Variants in FOXD1 observed in about 807,000 individuals in gnomAD.
The protein encoded by FOXD1 is forkhead box protein D1.
Under a neutral mutation model 2.0 loss-of-function variants are expected in FOXD1, and 4 were observed. That is an observed-to-expected ratio of 2.03 (90% confidence interval 1.00 to 4.64). FOXD1 has a LOEUF of 4.64. Ranked by LOEUF, FOXD1 falls within the 30% of genes most tolerant of loss-of-function variation. FOXD1 has a pLI of 0.01. For missense variants in FOXD1, 586 were observed against 647.6 expected (o/e 0.90, Z 1.03); for synonymous variants, 354 against 328.5 (o/e 1.08, Z -0.84).
Position 73,447,207 on chromosome 5 carries a change from C to T in FOXD1, c.1156G>A (p.Ala386Thr), listed in dbSNP as rs1580341689. 3 of 903,674 alleles carry T rather than the reference C, an allele frequency of 3.3e-6. No individual in the cohort carries two copies. Among genetic ancestry groups the T allele is most frequent in the Non-Finnish European group, 4.0e-6 (3 of 755,976 alleles). The allele number at this position is 903,674 out of a possible 1,614,324, so 56.0% of individuals were successfully genotyped here. A position where few individuals can be genotyped will look rare whatever the true frequency, so the allele number is the denominator to read the frequency against. The change falls in exon 1 of 1, where the codon GCC (alanine) becomes ACC (threonine). Residue 386 changes from alanine (A) to threonine (T), a missense_variant. Transcript: ENST00000615637. This position sits in a 1 kb window ranked among gnomAD's most constrained non-coding sequence, Gnocchi z 7.8. ...GGCGAGGGCGAGGCCTGAGCGGCGG[C>T]GGCGGCCTGCGCGGCGGCGGCGGCA... is the stretch of plus-strand genomic sequence containing the variant. ...AAAAAAAQAA[A>T]AAQASPSPSP...
Position 73,447,475 on chromosome 5 carries a change from C to T in FOXD1, c.888G>A (p.Ala296=). The part of the protein sequence containing the change: ...APPSALFAAA[A]AAAAAAAFHP... The stretch of plus-strand genomic sequence containing the variant: ...GGAAGGCGGCGGCGGCGGCGGCGGC[C>T]GCTGCGGCGGCGAAGAGGGCCGAGG... Residue 296 remains alanine, a synonymous_variant, in exon 1 of 1, where the codon GCG becomes GCA. Transcript: ENST00000615637. This position sits in a 1 kb window ranked among gnomAD's most constrained non-coding sequence, Gnocchi z 7.8. 3 of 995,230 alleles carry T rather than the reference C, an allele frequency of 3.0e-6. No homozygotes were observed. The highest frequency in any genetic ancestry group is 1.8e-5 in the African/African-American group (1 of 56,458). 61.6% of individuals were successfully genotyped at this position (995,230 alleles called of 1,614,324 possible).
Position 73,448,342 on chromosome 5 carries a change from C to G in FOXD1, c.21G>C (p.Met7Ile). The change falls in exon 1 of 1, where the codon ATG (methionine) becomes ATC (isoleucine). Residue 7 changes from methionine (M) to isoleucine (I), a missense_variant. By Grantham distance (10) the Met-to-Ile change is conservative. This residue lies in a region of FOXD1 where 183 missense variants were observed against 159.2 expected (regional missense o/e 1.15). Transcript: ENST00000615637. The stretch of plus-strand genomic sequence containing the variant: ...CCTCGGCGAGGCCAGAGGCATCGGA[C>G]ATCTCAGTGCTCAGGGTCATAGCTG... MTLSTE[M>I]SDASGLAEET... is the part of the protein sequence containing the mutation. The G allele has an allele frequency of 7.0e-7, 1 of 1,428,582 alleles. No individual in the cohort carries two copies. Among genetic ancestry groups the G allele is most frequent in the Non-Finnish European group, 9.3e-7 (1 of 1,078,238 alleles). The allele number at this position is 1,428,582 out of a possible 1,614,324, so 88.5% of individuals were successfully genotyped here.
Position 73,448,374 on chromosome 5 carries a change from G to T in FOXD1, c.-12C>A. 1 of 1,218,096 alleles carries T rather than the reference G, an allele frequency of 8.2e-7. No homozygotes were observed. Among genetic ancestry groups the T allele is most frequent in the Non-Finnish European group, 1.0e-6 (1 of 961,772 alleles). 75.5% of individuals were successfully genotyped at this position (1,218,096 alleles called of 1,614,324 possible). ...GTGCTCAGGGTCATAGCTGTGGCGC[G>T]GCGGCGGCGGGGCGGCGCATGGGGG... On this transcript the variant is annotated 5_prime_UTR_variant, in exon 1 of 1. Transcript: ENST00000615637.
Position 73,447,146 on chromosome 5 carries a change from C to T in FOXD1, c.1217G>A (p.Ser406Asn). The T allele has an allele frequency of 4.3e-6, 5 of 1,161,186 alleles. No individual in the cohort carries two copies. Among genetic ancestry groups the T allele is most frequent in the Non-Finnish European group, 5.3e-6 (5 of 941,258 alleles). 71.9% of individuals were successfully genotyped at this position (1,161,186 alleles called of 1,614,324 possible). The change falls in exon 1 of 1, where the codon AGC becomes AAC. Residue 406 changes from serine to asparagine, a missense_variant. Coordinates refer to ENST00000615637, the MANE Select transcript of FOXD1 (RefSeq NM_004472.3). This position sits in a 1 kb window ranked among gnomAD's most constrained non-coding sequence, Gnocchi z 7.8. ...CGCCTGCGCCGCGCAGCCTCCTCCG[C>T]TGGATCCGGGAGCTGGCGGCGCCGC... ...PVAAPPAPGS[S>N]GGGCAAQAAV...
chr5:73,446,768 T>G lies in FOXD1; in HGVS notation c.*197A>C. Reference sequence around the variant, plus strand: ...GGCTGTAGCATAGGTCGGCTTTGCATAAATAGAGGGACCCGCAGAGCCAAA... The same window carrying G: ...GGCTGTAGCATAGGTCGGCTTTGCAGAAATAGAGGGACCCGCAGAGCCAAA... On this transcript the variant is annotated 3_prime_UTR_variant, in exon 1 of 1. Coordinates refer to ENST00000615637, the MANE Select transcript of FOXD1 (RefSeq NM_004472.3). 1.3e-5 allele frequency: 7 copies of G among 540,966 alleles called. No individual in the cohort carries two copies. Among genetic ancestry groups the G allele is most frequent in the East Asian group, 3.7e-5 (1 of 26,678 alleles). 33.5% of individuals were successfully genotyped at this position (540,966 alleles called of 1,614,324 possible).
chr5:73,446,839 G>T lies in FOXD1; in HGVS notation c.*126C>A. ...CAGTTTTGTCCGAGAATTCGCAGCG[G>T]CGAAAATGGGCGCGCGAGGTCGAGA... is the stretch of plus-strand genomic sequence containing the variant. On this transcript the variant is annotated 3_prime_UTR_variant, in exon 1 of 1. Coordinates refer to ENST00000615637, the MANE Select transcript of FOXD1 (RefSeq NM_004472.3). The T allele has an allele frequency of 2.5e-6, 2 of 816,292 alleles. No individual in the cohort carries two copies. The highest frequency in any genetic ancestry group is 3.8e-6 in the Non-Finnish European group (2 of 520,576). 50.6% of individuals were successfully genotyped at this position (816,292 alleles called of 1,614,324 possible). A position where few individuals can be genotyped will look rare whatever the true frequency, so the allele number is the denominator to read the frequency against.
rs1221260829 is a variant in FOXD1, at chr5:73,447,861, C to A, written c.502G>T (p.Ala168Ser). Residue 168 changes from alanine (A) to serine (S), a missense_variant, in exon 1 of 1, where the codon GCC becomes TCC. Physicochemically the swap from Ala to Ser is moderately conservative, Grantham distance 99. Coordinates refer to ENST00000615637, the MANE Select transcript of FOXD1 (RefSeq NM_004472.3). The surrounding 1 kb of genome is among the most constrained non-coding windows in gnomAD (Gnocchi z 7.8). ...RFPYYREKFP[A>S]WQNSIRHNLS... ...TTGTGGCGGATGCTGTTCTGCCAGG[C>A]GGGGAACTTCTCCCGGTAGTAGGGG... 1.2e-5 allele frequency: 19 copies of A among 1,611,630 alleles called. No homozygotes were observed. Among genetic ancestry groups the A allele is most frequent in the Non-Finnish European group, 1.4e-5 (17 of 1,178,874 alleles).
At position 73,447,915 on chromosome 5, in the gene FOXD1, C is replaced by G. The variant is rs1242982316; in HGVS notation, c.448G>C (p.Glu150Gln). The G allele has an allele frequency of 1.9e-6, 3 of 1,610,512 alleles. No individual in the cohort carries two copies. The highest frequency in any genetic ancestry group is 2.7e-5 in the African/African-American group (2 of 74,740). The change falls in exon 1 of 1, where the codon GAG becomes CAG. Residue 150 changes from glutamate to glutamine, a missense_variant. By Grantham distance (29) the Glu-to-Gln change is conservative. Around this residue, in one of 4 missense-constraint regions of FOXD1, gnomAD observed 104 missense variants for 175.4 expected, o/e 0.59. Coordinates refer to ENST00000615637, the MANE Select transcript of FOXD1 (RefSeq NM_004472.3). The surrounding 1 kb of genome is among the most constrained non-coding windows in gnomAD (Gnocchi z 7.8). ...QSPKKRLTLS[E>Q]ICEFISGRFP... Reference sequence around the variant, plus strand: ...CGGCCGCTGATGAACTCACAGATCTCGCTCAGCGTCAGCCGCTTCTTGGGG... The same window carrying G: ...CGGCCGCTGATGAACTCACAGATCTGGCTCAGCGTCAGCCGCTTCTTGGGG...
rs1279897848 is a variant in FOXD1, at chr5:73,448,680, C to T, written c.-318G>A. 1.3e-5 allele frequency among the ~76,000 whole-genome samples: 2 copies of T among 151,970 alleles called. No homozygotes were observed. The highest frequency in any genetic ancestry group is 4.8e-5 in the African/African-American group (2 of 41,386). ...GCCCCGTCAGCTGAGGAGGGGGTGG[C>T]GGGGCCCGGGCGGGCGAATCAGAAC... On this transcript the variant is annotated 5_prime_UTR_variant, in exon 1 of 1. Transcript: ENST00000615637.
Position 73,447,562 on chromosome 5 carries a change from A to G in FOXD1, c.801T>C (p.His267=). ...LFPPAPPPPP[H]AYGYGPYGCG... ...AGCCGTAGGGGCCGTAGCCGTAGGC[A>G]TGCGGGGGCGGCGGGGGCGCGGGCG... Residue 267 remains histidine (H), a synonymous_variant, in exon 1 of 1, where the codon CAT becomes CAC. Coordinates refer to ENST00000615637, the MANE Select transcript of FOXD1 (RefSeq NM_004472.3). This position sits in a 1 kb window ranked among gnomAD's most constrained non-coding sequence, Gnocchi z 7.8. The G allele has an allele frequency of 9.6e-7, 1 of 1,037,354 alleles. No homozygotes were observed. The highest frequency in any genetic ancestry group is 1.2e-6 in the Non-Finnish European group (1 of 858,918). 64.3% of individuals were successfully genotyped at this position (1,037,354 alleles called of 1,614,324 possible).
Position 73,448,713 on chromosome 5 carries a change from G to T in FOXD1, c.-351C>A, listed in dbSNP as rs560111401. Among the ~76,000 whole-genome samples the T allele has an allele frequency of 6.6e-6, 1 of 151,690 alleles. No individual in the cohort carries two copies. Among genetic ancestry groups the T allele is most frequent in the Non-Finnish European group, 1.5e-5 (1 of 67,896 alleles). On this transcript the variant is annotated 5_prime_UTR_variant, in exon 1 of 1. Transcript: ENST00000615637. Reference sequence around the variant, plus strand: ...GGGCGGGCGAATCAGAACGCCAGGCGCCCAGGAACGTGCGGGACGGGTGAG... The same window carrying T: ...GGGCGGGCGAATCAGAACGCCAGGCTCCCAGGAACGTGCGGGACGGGTGAG...
rs1386107006 is a variant in FOXD1 at position 73,448,411 on chromosome 5, G to A, written c.-49C>T. 1 of 1,114,566 alleles carries A rather than the reference G, an allele frequency of 9.0e-7. No homozygotes were observed. Among genetic ancestry groups the A allele is most frequent in the Non-Finnish European group, 1.1e-6 (1 of 903,214 alleles). The allele number at this position is 1,114,566 out of a possible 1,614,324, so 69.0% of individuals were successfully genotyped here. ...GCGGCGCATGGGGGCGCCGGGCTCC[G>A]GGCTCCCTCTGCGCCCCAGCCCGGG... On this transcript the variant is annotated 5_prime_UTR_variant, in exon 1 of 1. Coordinates refer to ENST00000615637, the MANE Select transcript of FOXD1 (RefSeq NM_004472.3).
In FOXD1 at chr5:73,446,806, G is replaced by C; in HGVS notation, c.*159C>G. 1.5e-6 allele frequency: 1 copy of C among 666,628 alleles called. No homozygotes were observed. Among genetic ancestry groups the C allele is most frequent in the African/African-American group, 1.9e-5 (1 of 52,900 alleles). 41.3% of individuals were successfully genotyped at this position (666,628 alleles called of 1,614,324 possible). ...CCGCAGAGCCAAAAGGCGCGCCCGG[G>C]CTGTTGACAGTTTTGTCCGAGAATT... On this transcript the variant is annotated 3_prime_UTR_variant, in exon 1 of 1. Transcript: ENST00000615637.
chr5:73,447,970 G>C lies in FOXD1; in HGVS notation c.393C>G (p.Ile131Met). ...GCAGGATGGCCATAGTGATGAGCGCGATATACGAGTAGGGCGGCTTCACCA... is the reference window on the plus strand; with the variant it reads ...GCAGGATGGCCATAGTGATGAGCGCCATATACGAGTAGGGCGGCTTCACCA... ...NPLVKPPYSY[I>M]ALITMAILQS... The change falls in exon 1 of 1, where the codon ATC becomes ATG. Residue 131 changes from isoleucine to methionine, a missense_variant. Ile to Met is a conservative substitution (Grantham distance 10). Coordinates refer to ENST00000615637, the MANE Select transcript of FOXD1 (RefSeq NM_004472.3). This position sits in a 1 kb window ranked among gnomAD's most constrained non-coding sequence, Gnocchi z 7.8. 6.3e-7 allele frequency: 1 copy of C among 1,579,486 alleles called. No homozygotes were observed. Among genetic ancestry groups the C allele is most frequent in the Non-Finnish European group, 8.6e-7 (1 of 1,163,278 alleles).
rs959355034 is a variant in FOXD1, at chr5:73,448,722, C to T, written c.-360G>A. On this transcript the variant is annotated 5_prime_UTR_variant, in exon 1 of 1. Coordinates refer to ENST00000615637, the MANE Select transcript of FOXD1 (RefSeq NM_004472.3). ...AATCAGAACGCCAGGCGCCCAGGAA[C>T]GTGCGGGACGGGTGAGAGTCTAAGA... Among the ~76,000 whole-genome samples the T allele has an allele frequency of 6.6e-6, 1 of 151,560 alleles. No individual in the cohort carries two copies. Among genetic ancestry groups the T allele is most frequent in the African/African-American group, 2.4e-5 (1 of 41,272 alleles).
In FOXD1 at chr5:73,448,142, T is replaced by C; in HGVS notation, c.221A>G (p.Asp74Gly). ...AGGCGGGGCCAGCAGGATGTCATCG[T>C]CGTCCTCCTCCTCCTCCAGATCCTC... is the stretch of plus-strand genomic sequence containing the variant. ...ELEDLEEEED[D>G]DDILLAPPAG... The change falls in exon 1 of 1, where the codon GAC becomes GGC. Residue 74 changes from aspartate to glycine, a missense_variant. Transcript: ENST00000615637. 3 of 1,382,658 alleles carry C rather than the reference T, an allele frequency of 2.2e-6. No individual in the cohort carries two copies. The highest frequency in any genetic ancestry group is 1.9e-6 in the Non-Finnish European group (2 of 1,060,274). 85.6% of individuals were successfully genotyped at this position (1,382,658 alleles called of 1,614,324 possible). A position where few individuals can be genotyped will look rare whatever the true frequency, so the allele number is the denominator to read the frequency against.
rs1745551214 is a variant in FOXD1, at chr5:73,448,364, G to A, written c.-2C>T. On this transcript the variant is annotated 5_prime_UTR_variant, in exon 1 of 1. Coordinates refer to ENST00000615637, the MANE Select transcript of FOXD1 (RefSeq NM_004472.3). Reference sequence around the variant, plus strand: ...GGACATCTCAGTGCTCAGGGTCATAGCTGTGGCGCGGCGGCGGCGGGGCGG... The same window carrying A: ...GGACATCTCAGTGCTCAGGGTCATAACTGTGGCGCGGCGGCGGCGGGGCGG... 7.8e-7 allele frequency: 1 copy of A among 1,283,694 alleles called. No individual in the cohort carries two copies. Among genetic ancestry groups the A allele is most frequent in the Non-Finnish European group, 1.0e-6 (1 of 1,000,866 alleles). The allele number at this position is 1,283,694 out of a possible 1,614,324, so 79.5% of individuals were successfully genotyped here.
Position 73,447,587 on chromosome 5 carries a change from G to A in FOXD1, c.776C>T (p.Pro259Leu), listed in dbSNP as rs1745530052. ...GDPAAAAALF[P>L]PAPPPPPHAY... The stretch of plus-strand genomic sequence containing the variant: ...ATGCGGGGGCGGCGGGGGCGCGGGC[G>A]GGAAGAGCGCGGCGGCGGCTGCCGG... Residue 259 changes from proline (P) to leucine (L), a missense_variant, in exon 1 of 1, where the codon CCG becomes CTG. Physicochemically the swap from Pro to Leu is moderately conservative, Grantham distance 98. This residue lies in a region of FOXD1 where 253 missense variants were observed against 234.4 expected (regional missense o/e 1.08). Transcript: ENST00000615637. The surrounding 1 kb of genome is among the most constrained non-coding windows in gnomAD (Gnocchi z 7.8). 8 of 1,153,338 alleles carry A rather than the reference G, an allele frequency of 6.9e-6. No individual in the cohort carries two copies. Among genetic ancestry groups the A allele is most frequent in the Non-Finnish European group, 8.6e-6 (8 of 933,084 alleles). The allele number at this position is 1,153,338 out of a possible 1,614,324, so 71.4% of individuals were successfully genotyped here.
rs1037111163 is a variant in FOXD1, at chr5:73,446,971, A to C, written c.1392T>G (p.Asn464Lys). 1.9e-5 allele frequency: 30 copies of C among 1,543,248 alleles called. No homozygotes were observed. The highest frequency in any genetic ancestry group is 6.1e-6 in the Non-Finnish European group (7 of 1,142,408). Residue 464 changes from asparagine to lysine, a missense_variant, in exon 1 of 1, where the codon AAT becomes AAG. Physicochemically the swap from Asn to Lys is moderately conservative, Grantham distance 94. This residue lies in a region of FOXD1 where 46 missense variants were observed against 78.6 expected (regional missense o/e 0.58). Coordinates refer to ENST00000615637, the MANE Select transcript of FOXD1 (RefSeq NM_004472.3). ...GCGCGCTAACATAGCGTTATTAACA[A>C]TTGGAAATCCTAGCAGTAAAGTTCT... is the stretch of plus-strand genomic sequence containing the variant. ...SVENFTARISNC is the reference protein window; with the variant it reads ...SVENFTARISKC
Sources: allele counts gnomAD v4.1 joint callset (sites outside exome capture counted in the v4.1 genomes callset), GRCh38; gene constraint gnomAD v4.1.1; regional missense constraint gnomAD v4.1.1; non-coding constraint Gnocchi (gnomAD v3.1); transcripts MANE v1.5; gene names NCBI Gene and HGNC (gene_info 2026-07-23, HGNC 2026-07-21).